Variants in THRB observed in about 807,000 individuals in gnomAD.
THRB encodes thyroid hormone receptor beta.
THRB carries 12 observed loss-of-function variants against 47.8 expected under a neutral mutation model. The observed-to-expected ratio is 0.25, with a 90% CI of 0.16 to 0.41. The LOEUF is 0.41. Ranked by LOEUF, THRB falls within the 10% of genes least tolerant of loss-of-function variation. The probability of loss-of-function intolerance (pLI) is 1.00; values close to 1 mark genes in which losing one functional copy is unlikely to be tolerated. For missense variants in THRB, 348 were observed against 589.2 expected (o/e 0.59, Z 4.24); for synonymous variants, 218 against 212.2 (o/e 1.03, Z -0.24).
At chr3:24,161,693 C>G (rs1337495442) in intron 5 of THRB, among the ~76,000 whole-genome samples, 1 of 148,934 alleles carries the variant, frequency 6.7e-6, no homozygotes, top group African/African-American at 2.5e-5. Flanking sequence ...ACAATGAAAG[C>G]AGATTCAGAA....
At chr3:24,486,756 CTT>C (rs1405932427) in intron 1 of THRB, among the ~76,000 whole-genome samples, 1 of 152,162 alleles carries the variant, frequency 6.6e-6, no homozygotes, top group African/African-American at 2.4e-5. Context: ...TAGGTCATAA[CTT>C]AACTTGTTTC....
At chr3:24,308,531 T>C (rs957339949) in intron 2 of THRB, among the ~76,000 whole-genome samples, 1 of 152,216 alleles carries the variant, frequency 6.6e-6, no homozygotes. Context: ...ATCTTTGTTA[T>C]AAAAACAAAT....
chr3:24,208,723 T>TTAGA (rs1447566825), intron 4 of THRB, among the ~76,000 whole-genome samples: 2 of 152,202 alleles, frequency 1.3e-5, no homozygotes, highest in Non-Finnish European at 2.9e-5. Flanking sequence ...GACGTAAATG[T>TTAGA]TAGACCTAAA....
rs115026049 is a variant in THRB at position 24,215,709 on chromosome 3, C to G, written c.22+13229G>C. Among the ~76,000 whole-genome samples the G allele has an allele frequency of 5.3e-3, 808 of 152,332 alleles. 9 individuals are homozygous for G. Among genetic ancestry groups the G allele is most frequent in the African/African-American group, 0.018 (764 of 41,576 alleles). The stretch of plus-strand genomic sequence containing the variant: ...CACACAGCTAGACTGCATTTCCCAG[C>G]AACCTTGCAGTGAGACACGGCCATG... On this transcript the variant is annotated intron_variant, in intron 4 of 10. Coordinates refer to ENST00000646209, the MANE Select transcript of THRB (RefSeq NM_001354712.2).
chr3:24,467,364 T>C (rs563535336), intron 1 of THRB, among the ~76,000 whole-genome samples: 58 of 152,342 alleles, frequency 3.8e-4, no homozygotes, highest in African/African-American at 1.3e-3. Flanking sequence ...TGTTGATATT[T>C]TGACCTCCTC....
chr3:24,320,943 G>A (rs982817084), intron 2 of THRB, among the ~76,000 whole-genome samples: 2 of 152,108 alleles, frequency 1.3e-5, no homozygotes, highest in Non-Finnish European at 2.9e-5. Context: ...ATGACAGAAA[G>A]AGCCATCTCT....
chr3:24,329,892 A>C (rs1242633268), intron 2 of THRB, among the ~76,000 whole-genome samples: 23 of 152,244 alleles, frequency 1.5e-4, no homozygotes, highest in Admixed American at 1.5e-3. Context: ...CTCCAGACCT[A>C]CTGAATCAGA....
At chr3:24,234,144 T>G (rs948735224) in intron 3 of THRB, among the ~76,000 whole-genome samples, 1 of 152,212 alleles carries the variant, frequency 6.6e-6, no homozygotes, top group Non-Finnish European at 1.5e-5. Flanking sequence ...TCTCAACTAT[T>G]AGGGAGTGTG....
chr3:24,202,744 G>T (rs987953355), intron 4 of THRB, among the ~76,000 whole-genome samples: 1 of 152,230 alleles, frequency 6.6e-6, no homozygotes, highest in African/African-American at 2.4e-5. Context: ...TTGTGGAGGA[G>T]ATGCTGTGAT....
chr3:24,369,635 C>G (rs1290068686), intron 1 of THRB, among the ~76,000 whole-genome samples: 3 of 152,144 alleles, frequency 2.0e-5, no homozygotes, highest in Non-Finnish European at 4.4e-5. Flanking sequence ...CCTCTCCTCT[C>G]TTGAACAAAA....
intron 1 of THRB, among the ~76,000 whole-genome samples, chr3:24,378,585 C>T (rs773086706): frequency 5.9e-5 from 9 of 152,072 alleles, no homozygotes; most frequent in Admixed American, 2.0e-4. Context: ...CCTGCCATGA[C>T]GGTGCTCAAG....
chr3:24,242,546 T>C (rs984736085), intron 3 of THRB, among the ~76,000 whole-genome samples: 10 of 152,210 alleles, frequency 6.6e-5, no homozygotes, highest in African/African-American at 2.4e-4. Context: ...TATTAGACGG[T>C]GCTCACTTTG....
intron 2 of THRB, 71 bp from the exon 3 acceptor site, chr3:24,297,442 A>G (rs1159094785): frequency 5.9e-5 from 9 of 152,244 alleles, no homozygotes. Flanking sequence ...TTTACAAAGC[A>G]GTTCTCCTGT....
intron 1 of THRB, among the ~76,000 whole-genome samples, chr3:24,477,215 C>T (rs540202836): frequency 1.8e-4 from 28 of 151,768 alleles, no homozygotes; most frequent in African/African-American, 4.1e-4. Context: ...TTTTGTTGAT[C>T]GTGACTTATT....
intron 2 of THRB, among the ~76,000 whole-genome samples, chr3:24,301,109 A>G (rs1413033435): frequency 2.0e-5 from 3 of 152,192 alleles, no homozygotes; most frequent in Non-Finnish European, 4.4e-5. Flanking sequence ...ATCAAGGAAC[A>G]CCAGGAGCCA....
intron 1 of THRB, among the ~76,000 whole-genome samples, chr3:24,401,177 G>T (rs974552588): frequency 1.3e-5 from 2 of 152,014 alleles, no homozygotes; most frequent in Non-Finnish European, 2.9e-5. Flanking sequence ...CACGATTAAT[G>T]CACTAGGTTG....
intron 3 of THRB, among the ~76,000 whole-genome samples, chr3:24,242,021 A>T (rs1411300370): frequency 2.6e-5 from 4 of 152,134 alleles, no homozygotes; most frequent in Non-Finnish European, 4.4e-5. Context: ...AAAAAACATG[A>T]GTTATTTCTT....
intron 1 of THRB, among the ~76,000 whole-genome samples, chr3:24,470,773 T>A (rs2362187): frequency 2.0e-5 from 3 of 151,676 alleles, no homozygotes; most frequent in Admixed American, 6.6e-5. Flanking sequence ...CTTGCCACCA[T>A]GCCCGGCTAA....
At chr3:24,152,257 T>C (rs2037075762) in intron 6 of THRB, 133 bp downstream of exon 6, 3 of 617,262 alleles carry the variant, frequency 4.9e-6, no homozygotes, top group Non-Finnish European at 8.9e-6. Flanking sequence ...ACCAGACACC[T>C]GGATGATCAC....
Sources: allele counts gnomAD v4.1 joint callset (sites outside exome capture counted in the v4.1 genomes callset), GRCh38; gene constraint gnomAD v4.1.1; transcripts MANE v1.5; gene names NCBI Gene and HGNC (gene_info 2026-07-23, HGNC 2026-07-21).